PPFIA1: variants seen among roughly 807,000 people sequenced by gnomAD.
PPFIA1 encodes liprin-alpha-1.
A neutral mutation model predicts 149.9 loss-of-function variants in PPFIA1; 25 were observed. That is an observed-to-expected ratio of 0.17 (90% CI 0.12 to 0.23). The LOEUF (loss-of-function observed/expected upper bound fraction) is 0.23, where lower values mean the gene tolerates loss of function less well. Among genes scored for constraint, PPFIA1 ranks in the 10% least tolerant of loss-of-function variants. PPFIA1 has a pLI of 1.00. For missense variants in PPFIA1, 1,362 were observed against 1,506.5 expected, an observed-to-expected ratio of 0.90 and a Z score of 1.59; for synonymous variants, 549 against 552.8, an observed-to-expected ratio of 0.99 and a Z score of 0.10.
At chr11:70,286,130 G>T (rs2051102796) in intron 2 of PPFIA1, among the ~76,000 whole-genome samples, 1 of 152,142 alleles carries the variant, frequency 6.6e-6, no homozygotes, top group Non-Finnish European at 1.5e-5. Flanking sequence ...TGACTGCCAT[G>T]CTGTGTACTT....
intron 2 of PPFIA1, among the ~76,000 whole-genome samples, chr11:70,279,836 G>A (rs952708441): frequency 4.4e-4 from 65 of 149,014 alleles, no homozygotes; most frequent in Non-Finnish European, 7.2e-4. Flanking sequence ...CAGTCTTCCT[G>A]CCTTGGCCTC....
At position 70,372,591 on chromosome 11, in the gene PPFIA1, T is replaced by G. The variant is rs370625401; in HGVS notation, c.3139+17T>G. On this transcript the variant is annotated intron_variant, in intron 23 of 27. Transcript: ENST00000253925. ...AAATAAAAGGTTAGTACATGACATT[T>G]AATTGATTCGGTTTACTCCTACTTG... 1 of 1,584,428 alleles carries G rather than the reference T, an allele frequency of 6.3e-7. No individual in the cohort carries two copies. Among genetic ancestry groups the G allele is most frequent in the African/African-American group, 1.3e-5 (1 of 74,470 alleles).
chr11:70,295,029 C>T (rs915704736), intron 2 of PPFIA1, among the ~76,000 whole-genome samples: 1 of 152,264 alleles, frequency 6.6e-6, no homozygotes, highest in African/African-American at 2.4e-5. Context: ...TTCCACAAAA[C>T]CGCCATTGTC....
At chr11:70,355,445 G>T (rs1050624694) in intron 17 of PPFIA1, among the ~76,000 whole-genome samples, 194 bp from the exon 18 acceptor site, 6 of 152,156 alleles carry the variant, frequency 3.9e-5, no homozygotes, top group Non-Finnish European at 7.3e-5. Flanking sequence ...CTCCATGTCA[G>T]AGAGAGTCTC....
intron 6 of PPFIA1, 109 bp downstream of exon 6, chr11:70,326,472 C>A: frequency 7.8e-7 from 1 of 1,280,544 alleles, no homozygotes. Flanking sequence ...CTGAAGTGGT[C>A]ATGAAAGTTG....
At chr11:70,367,399 TAGTA>T (rs1373391544) in intron 21 of PPFIA1, 9 of 395,942 alleles carry the variant, frequency 2.3e-5, no homozygotes, top group African/African-American at 4.2e-5. Context: ...TTAACAAAAT[TAGTA>T]AGAGTGCTGG....
rs2055519059 is a variant in PPFIA1, at chr11:70,343,971, T to C, written c.1931+79T>C. 2.5e-6 allele frequency: 3 copies of C among 1,211,070 alleles called. No individual in the cohort carries two copies. The South Asian group carries it at 4.0e-5, about 16-fold the overall frequency. 75.0% of individuals were successfully genotyped at this position (1,211,070 alleles called of 1,614,324 possible). ...CTCATCTTGCCTGGAAAAGTCTGGA[T>C]GAAATACTATTAACATTTTCTAAGT... On this transcript the variant is annotated intron_variant, in intron 15 of 27. Coordinates refer to ENST00000253925, the MANE Select transcript of PPFIA1 (RefSeq NM_003626.5).
chr11:70,382,173 C>A lies in PPFIA1; in HGVS notation c.*12+15C>A. 6.2e-7 allele frequency: 1 copy of A among 1,604,186 alleles called. No homozygotes were observed. Among genetic ancestry groups the A allele is most frequent in the African/African-American group, 1.3e-5 (1 of 74,816 alleles). ...GTCTCCTGTTGGTGAGTAGAGAGCA[C>A]CACAACCCCTAGAGATGGCTCAGAG... On this transcript the variant is annotated intron_variant, in intron 27 of 27. Transcript: ENST00000253925.
chr11:70,325,461 TACACACAC>T (rs113854811), intron 4 of PPFIA1, 31 bp from the exon 5 acceptor site: 1 of 1,344,276 alleles, frequency 7.4e-7, no homozygotes, highest in Non-Finnish European at 1.1e-6. Context: ...ATAAACAGTA[TACACACAC>T]ACACACAAAC....
Position 70,376,130 on chromosome 11 carries a change from C to T in PPFIA1, c.3316-402C>T, listed in dbSNP as rs535256727. On this transcript the variant is annotated intron_variant, in intron 24 of 27. Transcript: ENST00000253925. ...CATCCTCCCAAGTAGCTGAGATTAC[C>T]GGCACACGCCACCGTGCCCGGCTTA... Among the ~76,000 whole-genome samples the T allele has an allele frequency of 4.6e-5, 7 of 152,104 alleles. No individual in the cohort carries two copies. In the South Asian group the frequency reaches 1.5e-3, roughly 32 times the overall value.
At chr11:70,376,747 TTATA>T (rs2057507461) in intron 25 of PPFIA1, 147 bp downstream of exon 25, 1 of 765,778 alleles carries the variant, frequency 1.3e-6, no homozygotes, top group Non-Finnish European at 2.2e-6. Flanking sequence ...GGCTTTGCTC[TTATA>T]CATTTATTCA....
chr11:70,367,454 C>T (rs927586936), intron 21 of PPFIA1: 6 of 452,110 alleles, frequency 1.3e-5, no homozygotes, highest in South Asian at 6.2e-5. Context: ...ATGGTCCCCC[C>T]GTCATGGAGC....
intron 15 of PPFIA1, among the ~76,000 whole-genome samples, chr11:70,345,364 G>T (rs1209018769): frequency 6.6e-6 from 1 of 151,674 alleles, no homozygotes; most frequent in Admixed American, 6.6e-5. Context: ...GGAGGCCAGG[G>T]AGTCAGTATA....
intron 7 of PPFIA1, 76 bp downstream of exon 7, chr11:70,326,894 T>C (rs994338165): frequency 1.3e-5 from 16 of 1,192,766 alleles, no homozygotes; most frequent in Middle Eastern, 2.3e-4. Context: ...ATTTTTTTTC[T>C]CTGTTTGTCT....
intron 26 of PPFIA1, among the ~76,000 whole-genome samples, chr11:70,381,583 TG>T (rs956320634): frequency 2.0e-5 from 3 of 152,180 alleles, no homozygotes; most frequent in African/African-American, 7.2e-5. Context: ...ACCCAGCTAG[TG>T]CTGGGTAGCA....
At chr11:70,298,441 C>A (rs1012255429) in intron 2 of PPFIA1, among the ~76,000 whole-genome samples, 3 of 152,194 alleles carry the variant, frequency 2.0e-5, no homozygotes, top group Admixed American at 6.5e-5. Context: ...AAGCACATTC[C>A]TGTAGATAGG....
In PPFIA1 at chr11:70,377,467, T is replaced by C. The variant is rs532951395; in HGVS notation, c.3385-563T>C. ...CCTCTAAAGATGAAGCACTTGTTGC[T>C]ATATCCTGGCATAAGATAAAATTGT... On this transcript the variant is annotated intron_variant, in intron 25 of 27. Coordinates refer to ENST00000253925, the MANE Select transcript of PPFIA1 (RefSeq NM_003626.5). 2.6e-5 allele frequency among the ~76,000 whole-genome samples: 4 copies of C among 152,302 alleles called. No homozygotes were observed. The East Asian group carries it at 7.7e-4, about 29-fold the overall frequency.
chr11:70,355,444 A>G (rs997211252), intron 17 of PPFIA1, among the ~76,000 whole-genome samples, 195 bp from the exon 18 acceptor site: 1 of 152,142 alleles, frequency 6.6e-6, no homozygotes, highest in Non-Finnish European at 1.5e-5. Flanking sequence ...GCTCCATGTC[A>G]GAGAGAGTCT....
intron 25 of PPFIA1, 123 bp downstream of exon 25, chr11:70,376,723 G>C (rs1326606385): frequency 3.5e-6 from 3 of 859,214 alleles, no homozygotes; most frequent in Admixed American, 4.1e-5. Context: ...AGTCTCTCTG[G>C]ATGTTAGAAG....
Sources: allele counts gnomAD v4.1 joint callset (sites outside exome capture counted in the v4.1 genomes callset), GRCh38; gene constraint gnomAD v4.1.1; transcripts MANE v1.5; gene names NCBI Gene and HGNC (gene_info 2026-07-23, HGNC 2026-07-21).